Variants in AKAIN1 observed in about 807,000 individuals in gnomAD.
AKAIN1 encodes the protein A-kinase anchor protein inhibitor 1.
AKAIN1 carries 3 observed loss-of-function variants against 3.7 expected under a neutral mutation model. That is an observed-to-expected ratio of 0.82 (90% CI 0.37 to 2.12). The LOEUF (loss-of-function observed/expected upper bound fraction) is 2.12. Among genes scored for constraint, AKAIN1 ranks in the 30% most tolerant of loss-of-function variants. AKAIN1 has a pLI of 0.06. For missense variants in AKAIN1, 82 were observed against 82.7 expected (o/e 0.99, Z 0.03); for synonymous variants, 31 against 30.8 (o/e 1.01, Z -0.02).
intron 1 of AKAIN1, among the ~76,000 whole-genome samples, chr18:5,146,483 A>C (rs1051773756): frequency 9.9e-5 from 15 of 152,226 alleles, no homozygotes; most frequent in Admixed American, 9.2e-4. Flanking sequence ...ACTTGCAGCC[A>C]AATACATGCC....
intron 1 of AKAIN1, among the ~76,000 whole-genome samples, chr18:5,150,069 G>C (rs558943190): frequency 6.6e-6 from 1 of 152,176 alleles, no homozygotes; most frequent in African/African-American, 2.4e-5. Flanking sequence ...ATCAAGAGGT[G>C]GGAACACAGC....
intron 1 of AKAIN1, among the ~76,000 whole-genome samples, chr18:5,172,199 G>T (rs1183509197): frequency 6.6e-6 from 1 of 152,148 alleles, no homozygotes; most frequent in Non-Finnish European, 1.5e-5. Context: ...GCTGGGAAGG[G>T]TAGTGGGGAG....
At position 5,197,122 on chromosome 18, in the gene AKAIN1, C is replaced by A; in HGVS notation, c.-69G>T. ...AGGCAGACGGAGGATGGGAAGAAGGCCGGACTTGGCGGGGTCCGGTGCAGG... is the reference window on the plus strand; with the variant it reads ...AGGCAGACGGAGGATGGGAAGAAGGACGGACTTGGCGGGGTCCGGTGCAGG... On this transcript the variant is annotated 5_prime_UTR_variant, in exon 1 of 2. Transcript: ENST00000434239. This position sits in a 1 kb window ranked among gnomAD's most constrained non-coding sequence, Gnocchi z 6.9. 2 of 1,547,642 alleles carry A rather than the reference C, an allele frequency of 1.3e-6. No homozygotes were observed. The highest frequency in any genetic ancestry group is 1.4e-5 in the African/African-American group (1 of 73,116).
chr18:5,192,385 TTTTCTTTC>T lies in AKAIN1; in HGVS notation c.16+4645_16+4652del, dbSNP rs34194118. On this transcript the variant is annotated intron_variant, in intron 1 of 1. Coordinates refer to ENST00000434239, the MANE Select transcript of AKAIN1 (RefSeq NM_001145194.2). ...GGCATGTGCAACCACACAGAGCTAA[TTTTCTTTC>T]TTTCTTTCTTTCTTTCTTTCTTTCT... is the stretch of plus-strand genomic sequence containing the variant. Among the ~76,000 whole-genome samples the T allele has an allele frequency of 5.6e-4, 60 of 107,072 alleles. 1 individual carries two copies. The highest frequency in any genetic ancestry group is 1.7e-3 in the African/African-American group (48 of 28,116). 70.2% of individuals were successfully genotyped at this position (107,072 alleles called of 152,430 possible). A position where few individuals can be genotyped will look rare whatever the true frequency, so the allele number is the denominator to read the frequency against.
intron 1 of AKAIN1, among the ~76,000 whole-genome samples, chr18:5,146,843 C>A (rs1266429901): frequency 6.6e-6 from 1 of 152,194 alleles, no homozygotes; most frequent in Non-Finnish European, 1.5e-5. Flanking sequence ...TACAAAAAAA[C>A]AGACCACAGG....
intron 1 of AKAIN1, among the ~76,000 whole-genome samples, chr18:5,192,028 G>A (rs764390864): frequency 3.3e-5 from 5 of 152,086 alleles, no homozygotes; most frequent in Admixed American, 2.0e-4. Context: ...AAGTATGTGT[G>A]GAGTTTTCCA....
chr18:5,174,648 C>CGA, intron 1 of AKAIN1, among the ~76,000 whole-genome samples: 1 of 151,968 alleles, frequency 6.6e-6, no homozygotes, highest in African/African-American at 2.4e-5. Flanking sequence ...GGCTGAGGCA[C>CGA]GAGAATCGCT....
At chr18:5,148,371 C>T (rs1307498580) in intron 1 of AKAIN1, among the ~76,000 whole-genome samples, 1 of 152,142 alleles carries the variant, frequency 6.6e-6, no homozygotes, top group Admixed American at 6.5e-5. Flanking sequence ...AACCAATATC[C>T]CATGTGGGAC....
chr18:5,167,331 TCCGTCGTATGG>T (rs1201870639), intron 1 of AKAIN1, among the ~76,000 whole-genome samples: 1 of 152,108 alleles, frequency 6.6e-6, no homozygotes, highest in Non-Finnish European at 1.5e-5. Context: ...TCATATCTCT[TCCGTCGTATGG>T]CCGCCCTTGA....
intron 1 of AKAIN1, among the ~76,000 whole-genome samples, chr18:5,178,667 T>G (rs1434059930): frequency 2.0e-5 from 3 of 152,200 alleles, no homozygotes; most frequent in Non-Finnish European, 4.4e-5. Flanking sequence ...GCAAGCCACC[T>G]GCCTGTTGTG....
At chr18:5,189,730 A>G (rs1230903153) in intron 1 of AKAIN1, among the ~76,000 whole-genome samples, 1 of 151,382 alleles carries the variant, frequency 6.6e-6, no homozygotes, top group Non-Finnish European at 1.5e-5. Flanking sequence ...AATCTCTGAG[A>G]AATTTCAGAC....
intron 1 of AKAIN1, among the ~76,000 whole-genome samples, chr18:5,191,875 T>C (rs2071320389): frequency 6.6e-6 from 1 of 152,316 alleles, no homozygotes; most frequent in African/African-American, 2.4e-5. Flanking sequence ...ACAAAATTCA[T>C]TCATATTTCA....
rs2071352837 is a variant in AKAIN1, at chr18:5,197,092, A to C, written c.-39T>G. 6.4e-7 allele frequency: 1 copy of C among 1,551,110 alleles called. No homozygotes were observed. The highest frequency in any genetic ancestry group is 8.7e-7 in the Non-Finnish European group (1 of 1,146,890). ...CGCTACGCCCCCAGATTAAGAGAGA[A>C]AGACAGGCAGACGGAGGATGGGAAG... On this transcript the variant is annotated 5_prime_UTR_variant, in exon 1 of 2. Transcript: ENST00000434239. The surrounding 1 kb of genome is among the most constrained non-coding windows in gnomAD (Gnocchi z 6.9).
At chr18:5,184,450 C>T (rs10163862) in intron 1 of AKAIN1, among the ~76,000 whole-genome samples, 51,383 of 151,916 alleles carry the variant, frequency 0.34, 10,632 homozygotes, top group South Asian at 0.51. Context: ...ATTCTGTAGT[C>T]GCTGCCCAAA....
At chr18:5,179,805 C>A (rs1372996017) in intron 1 of AKAIN1, among the ~76,000 whole-genome samples, 1 of 152,142 alleles carries the variant, frequency 6.6e-6, no homozygotes, top group Non-Finnish European at 1.5e-5. Flanking sequence ...CTTTAATATG[C>A]TCCTTCCTCG....
At chr18:5,167,216 T>G (rs912092071) in intron 1 of AKAIN1, among the ~76,000 whole-genome samples, 11 of 152,092 alleles carry the variant, frequency 7.2e-5, no homozygotes, top group Non-Finnish European at 1.6e-4. Context: ...AAGAGTCAGA[T>G]AGATTTTTTA....
chr18:5,190,955 G>T (rs1314299318), intron 1 of AKAIN1, among the ~76,000 whole-genome samples: 2 of 151,944 alleles, frequency 1.3e-5, no homozygotes, highest in African/African-American at 4.8e-5. Context: ...TGGTGATGAG[G>T]GAACATTTGA....
At chr18:5,193,652 T>C (rs1172235190) in intron 1 of AKAIN1, among the ~76,000 whole-genome samples, 1 of 152,224 alleles carries the variant, frequency 6.6e-6, no homozygotes, top group Non-Finnish European at 1.5e-5. Flanking sequence ...TGACATTCTC[T>C]TGTGTACTTT....
intron 1 of AKAIN1, among the ~76,000 whole-genome samples, chr18:5,160,495 T>A (rs2071133233): frequency 6.6e-6 from 1 of 152,152 alleles, no homozygotes; most frequent in Non-Finnish European, 1.5e-5. Context: ...AGCAGATACT[T>A]CTATGGCCCT....
Sources: allele counts gnomAD v4.1 joint callset (sites outside exome capture counted in the v4.1 genomes callset), GRCh38; gene constraint gnomAD v4.1.1; non-coding constraint Gnocchi (gnomAD v3.1); transcripts MANE v1.5; gene names NCBI Gene and HGNC (gene_info 2026-07-23, HGNC 2026-07-21).